The following HIPK2 variants were observed in gnomAD, a reference collection of about 807,000 sequenced individuals.
HIPK2 encodes the protein homeodomain-interacting protein kinase 2.
HIPK2 carries 27 observed loss-of-function variants against 113.7 expected under a neutral mutation model. That is an observed-to-expected ratio of 0.24 (90% CI 0.17 to 0.33). The LOEUF is 0.33. HIPK2 is among the 10% of genes least tolerant of loss of function. HIPK2 has a pLI of 1.00. For synonymous variants in HIPK2, 631 were observed against 642.2 expected (o/e 0.98, Z 0.26); for missense variants, 1,257 against 1,588.0 (o/e 0.79, Z 3.54).
At chr7:139,710,061 C>A (rs1228843119) in intron 2 of HIPK2, among the ~76,000 whole-genome samples, 1 of 152,108 alleles carries the variant, frequency 6.6e-6, no homozygotes, top group African/African-American at 2.4e-5. Flanking sequence ...TCAAAACATC[C>A]CCACAACTTT....
chr7:139,689,402 C>T (rs562411535), intron 2 of HIPK2, among the ~76,000 whole-genome samples: 4 of 152,298 alleles, frequency 2.6e-5, no homozygotes, highest in African/African-American at 9.6e-5. Flanking sequence ...ATGTTATATG[C>T]TGTCTTATAA....
At chr7:139,744,667 C>A (rs143011265) in intron 1 of HIPK2, among the ~76,000 whole-genome samples, 150 of 152,272 alleles carry the variant, frequency 9.9e-4, no homozygotes, top group African/African-American at 3.4e-3. Flanking sequence ...TATCATCATC[C>A]CATTTTACAG....
At chr7:139,670,751 CTTTCTTTCTTTTTTTTTTTTTT>C in intron 2 of HIPK2, among the ~76,000 whole-genome samples, 1 of 58,978 alleles carries the variant, frequency 1.7e-5, no homozygotes, top group South Asian at 5.3e-4. Flanking sequence ...TTCTTTCTTT[CTTTCTTTCTTTTTTTTTTTTTT>C]TTTTTTTTGA....
Position 139,566,665 on chromosome 7 carries a change from C to CA in HIPK2, c.*6261_*6262insT, listed in dbSNP as rs1381605906. On this transcript the variant is annotated 3_prime_UTR_variant, in exon 15 of 15. Coordinates refer to ENST00000406875, the MANE Select transcript of HIPK2 (RefSeq NM_022740.5). The surrounding 1 kb of genome is among the most constrained non-coding windows in gnomAD (Gnocchi z 4.1). ...CTTATCTATAAATGGGGGCTGTTAT[C>CA]CCCCTCCCTGTGGGATGGCTGTTGG... 2.6e-5 allele frequency: 4 copies of CA among 152,212 alleles called. No homozygotes were observed. In the East Asian group the frequency reaches 7.7e-4, roughly 29 times the overall value. 9.4% of individuals were successfully genotyped at this position (152,212 alleles called of 1,614,324 possible). A position where few individuals can be genotyped will look rare whatever the true frequency, so the allele number is the denominator to read the frequency against.
At chr7:139,708,426 GC>G (rs1794969723) in intron 2 of HIPK2, among the ~76,000 whole-genome samples, 1 of 151,972 alleles carries the variant, frequency 6.6e-6, no homozygotes, top group South Asian at 2.1e-4. Flanking sequence ...ATGTCACCTG[GC>G]CCCCCACCCC....
At chr7:139,689,746 C>T (rs1253393516) in intron 2 of HIPK2, among the ~76,000 whole-genome samples, 1 of 152,186 alleles carries the variant, frequency 6.6e-6, no homozygotes, top group African/African-American at 2.4e-5. Flanking sequence ...AAATCCCAAG[C>T]TATGGCTTGC....
intron 2 of HIPK2, among the ~76,000 whole-genome samples, chr7:139,713,472 C>T (rs762752597): frequency 2.6e-5 from 4 of 152,124 alleles, no homozygotes; most frequent in Non-Finnish European, 4.4e-5. Flanking sequence ...CTCCAGGAAG[C>T]GTCACATGGG....
chr7:139,775,987 G>A, intron 1 of HIPK2, among the ~76,000 whole-genome samples: 1 of 152,296 alleles, frequency 6.6e-6, no homozygotes, highest in African/African-American at 2.4e-5. Context: ...AGCAGAGGGA[G>A]TCTCAAGGAG....
At chr7:139,639,443 G>A (rs113823474) in intron 2 of HIPK2, among the ~76,000 whole-genome samples, 1 of 152,188 alleles carries the variant, frequency 6.6e-6, no homozygotes, top group Non-Finnish European at 1.5e-5. Context: ...CAGGTACTGT[G>A]CTGGGTGCTA....
chr7:139,659,587 T>C (rs569836727), intron 2 of HIPK2, among the ~76,000 whole-genome samples: 1 of 152,358 alleles, frequency 6.6e-6, no homozygotes, highest in Admixed American at 6.5e-5. Flanking sequence ...TCACCTCTGC[T>C]GTTGCTATCC....
intron 1 of HIPK2, among the ~76,000 whole-genome samples, chr7:139,754,641 C>T (rs752301988): frequency 1.2e-4 from 18 of 152,158 alleles, no homozygotes; most frequent in Non-Finnish European, 2.6e-4. Context: ...AAATTCTGAA[C>T]AATAATTAGT....
At chr7:139,606,752 G>A (rs977533742) in intron 9 of HIPK2, among the ~76,000 whole-genome samples, 1 of 152,158 alleles carries the variant, frequency 6.6e-6, no homozygotes. Flanking sequence ...TGAAAATGCT[G>A]GACTTGCCTC....
At chr7:139,663,427 G>C (rs1801935236) in intron 2 of HIPK2, among the ~76,000 whole-genome samples, 1 of 152,320 alleles carries the variant, frequency 6.6e-6, no homozygotes, top group East Asian at 1.9e-4. Context: ...ATGAGCTGGA[G>C]GCCTCGTGGG....
chr7:139,697,729 A>G (rs1190824184), intron 2 of HIPK2, among the ~76,000 whole-genome samples: 1 of 152,186 alleles, frequency 6.6e-6, no homozygotes, highest in Non-Finnish European at 1.5e-5. Context: ...CATCACTCAT[A>G]ACGTTGTACA....
intron 1 of HIPK2, among the ~76,000 whole-genome samples, chr7:139,740,378 A>C (rs1303530519): frequency 6.6e-6 from 1 of 152,224 alleles, no homozygotes. Context: ...GGGTTGGCAC[A>C]ATGCATGCTT....
intron 2 of HIPK2, among the ~76,000 whole-genome samples, chr7:139,661,174 C>A (rs1450156908): frequency 6.6e-6 from 1 of 152,186 alleles, no homozygotes; most frequent in East Asian, 1.9e-4. Context: ...CATTATTTAA[C>A]AACCAGCTCC....
chr7:139,771,762 G>C (rs1361625955), intron 1 of HIPK2, among the ~76,000 whole-genome samples: 1 of 152,164 alleles, frequency 6.6e-6, no homozygotes, highest in Non-Finnish European at 1.5e-5. Flanking sequence ...AAACTAGAGA[G>C]AGTTCAGAAG....
chr7:139,772,816 G>A (rs112382988), intron 1 of HIPK2, among the ~76,000 whole-genome samples: 2,358 of 149,158 alleles, frequency 0.016, 55 homozygotes, highest in African/African-American at 0.054. Context: ...GGTTGGTCTC[G>A]AACTCCTGAT....
intron 9 of HIPK2, among the ~76,000 whole-genome samples, chr7:139,609,364 CTGAAAGTTTTATG>C (rs1569453119): frequency 1.3e-5 from 2 of 152,132 alleles, no homozygotes; most frequent in East Asian, 3.9e-4. Flanking sequence ...GCCTGTTTCC[CTGAAAGTTTTATG>C]TGATGCTGCT....
Sources: gnomAD v4.1 joint callset for allele counts (sites outside exome capture counted in the v4.1 genomes callset) on GRCh38, gnomAD v4.1.1 for gene constraint, Gnocchi (gnomAD v3.1) non-coding constraint, MANE v1.5 for transcripts, NCBI Gene and HGNC (gene_info 2026-07-23, HGNC 2026-07-21) for gene names.